The following NAALADL2 variants were observed in gnomAD, a reference collection of about 807,000 sequenced individuals.
The protein encoded by NAALADL2 is N-acetylated alpha-linked acidic dipeptidase like 2, also known as inactive N-acetylated-alpha-linked acidic dipeptidase-like protein 2.
Under a neutral mutation model 87.2 loss-of-function variants are expected in NAALADL2, and 76 were observed. That is an observed-to-expected ratio of 0.87 (90% CI 0.72 to 1.05). The LOEUF (loss-of-function observed/expected upper bound fraction) is 1.05, where lower values mean the gene tolerates loss of function less well. NAALADL2 is among the 50% of genes least tolerant of loss of function. The pLI is 0.00. For missense variants in NAALADL2, 1,089 were observed against 945.8 expected (o/e 1.15, Z -1.99); for synonymous variants, 354 against 331.0 (o/e 1.07, Z -0.75).
At chr3:174,914,219 C>T (rs1002473710) in intron 1 of NAALADL2, among the ~76,000 whole-genome samples, 3 of 151,874 alleles carry the variant, frequency 2.0e-5, no homozygotes, top group Non-Finnish European at 2.9e-5. Context: ...CCCACCACCA[C>T]ATCAGGCTAA....
At chr3:175,519,680 G>A (rs939140063) in intron 9 of NAALADL2, among the ~76,000 whole-genome samples, 1 of 152,016 alleles carries the variant, frequency 6.6e-6, no homozygotes, top group African/African-American at 2.4e-5. Context: ...AAATAAAATT[G>A]AATCCACTTA....
intron 1 of NAALADL2, among the ~76,000 whole-genome samples, chr3:175,019,074 G>T (rs569499687): frequency 1.2e-3 from 175 of 151,888 alleles, no homozygotes; most frequent in Non-Finnish European, 2.2e-3. Flanking sequence ...GATTCCTGTA[G>T]GCATAATATT....
At chr3:174,879,713 A>G (rs1020140225) in intron 1 of NAALADL2, among the ~76,000 whole-genome samples, 6 of 151,842 alleles carry the variant, frequency 4.0e-5, no homozygotes, top group African/African-American at 1.5e-4. Flanking sequence ...CTACAGTCCC[A>G]TTTTTCTTAC....
intron 3 of NAALADL2, among the ~76,000 whole-genome samples, chr3:174,817,895 A>G (rs1720976924): frequency 6.6e-6 from 1 of 152,198 alleles, no homozygotes; most frequent in African/African-American, 2.4e-5. Context: ...GTTCGTTTTC[A>G]GATTGTGATT....
At chr3:175,228,317 T>C (rs1046205796) in intron 2 of NAALADL2, among the ~76,000 whole-genome samples, 1 of 151,964 alleles carries the variant, frequency 6.6e-6, no homozygotes. Context: ...TTCCAGAGTT[T>C]TCCCCCTTGG....
At chr3:175,348,806 G>A (rs1332038060) in intron 5 of NAALADL2, among the ~76,000 whole-genome samples, 1 of 152,164 alleles carries the variant, frequency 6.6e-6, no homozygotes. Flanking sequence ...ACAGGTTACT[G>A]GAGGTAGGAC....
At chr3:174,849,706 G>T (rs1400067635) in intron 3 of NAALADL2, among the ~76,000 whole-genome samples, 1 of 131,894 alleles carries the variant, frequency 7.6e-6, no homozygotes, top group Admixed American at 9.0e-5. Context: ...TTGCACTCCA[G>T]CCTGGGTGAC....
At chr3:174,928,067 G>T (rs933444710) in intron 1 of NAALADL2, among the ~76,000 whole-genome samples, 1 of 152,024 alleles carries the variant, frequency 6.6e-6, no homozygotes, top group African/African-American at 2.4e-5. Flanking sequence ...GAATGTAAAT[G>T]CAAATAAAGA....
chr3:175,632,232 A>T (rs1391314770), intron 11 of NAALADL2, among the ~76,000 whole-genome samples: 1 of 151,096 alleles, frequency 6.6e-6, no homozygotes, highest in African/African-American at 2.4e-5. Context: ...TTCTCACAAT[A>T]TCTGATGGTT....
intron 6 of NAALADL2, among the ~76,000 whole-genome samples, chr3:175,452,187 A>G (rs1386807788): frequency 2.0e-5 from 3 of 152,072 alleles, no homozygotes; most frequent in Non-Finnish European, 4.4e-5. Flanking sequence ...ATGTGAGAAG[A>G]TCCAGTACAT....
intron 9 of NAALADL2, among the ~76,000 whole-genome samples, chr3:175,513,885 C>A (rs1731495186): frequency 6.6e-6 from 1 of 152,192 alleles, no homozygotes; most frequent in South Asian, 2.1e-4. Context: ...GGTGGTCAGG[C>A]AGACATCTGC....
At chr3:174,824,239 C>A (rs1721741536) in intron 3 of NAALADL2, among the ~76,000 whole-genome samples, 2 of 152,024 alleles carry the variant, frequency 1.3e-5, no homozygotes, top group Admixed American at 1.3e-4. Context: ...TAAAATTTAA[C>A]ATTTTAATTT....
chr3:175,532,569 G>A (rs780055960), intron 9 of NAALADL2, among the ~76,000 whole-genome samples: 1 of 152,198 alleles, frequency 6.6e-6, no homozygotes, highest in South Asian at 2.1e-4. Context: ...AAGTAGGAAT[G>A]CAGTAGGCTG....
chr3:175,481,777 T>G (rs1048536219), intron 9 of NAALADL2, among the ~76,000 whole-genome samples: 1 of 151,900 alleles, frequency 6.6e-6, no homozygotes, highest in African/African-American at 2.4e-5. Context: ...GAATAGTCTA[T>G]TGGCAGATAC....
At chr3:175,126,862 T>C (rs1727050119) in intron 2 of NAALADL2, among the ~76,000 whole-genome samples, 1 of 151,980 alleles carries the variant, frequency 6.6e-6, no homozygotes, top group African/African-American at 2.4e-5. Flanking sequence ...CTACCTTTTT[T>C]TTTTTTTTTT....
intron 4 of NAALADL2, among the ~76,000 whole-genome samples, chr3:175,304,617 G>A (rs1757476221): frequency 6.6e-6 from 1 of 152,098 alleles, no homozygotes; most frequent in South Asian, 2.1e-4. Context: ...AACTCGCAGG[G>A]TGTGCTCAGC....
At chr3:175,385,240 C>A (rs778695127) in intron 5 of NAALADL2, among the ~76,000 whole-genome samples, 6 of 151,948 alleles carry the variant, frequency 3.9e-5, no homozygotes, top group Non-Finnish European at 8.8e-5. Context: ...ATGATAAAAC[C>A]TATTTTCATG....
intron 9 of NAALADL2, among the ~76,000 whole-genome samples, chr3:175,564,915 T>G (rs1374100415): frequency 6.6e-6 from 1 of 152,214 alleles, no homozygotes; most frequent in East Asian, 1.9e-4. Flanking sequence ...AGAAGTAGGT[T>G]TAGCTGCTGG....
intron 3 of NAALADL2, among the ~76,000 whole-genome samples, chr3:174,812,214 T>A (rs1720294080): frequency 6.6e-6 from 1 of 152,080 alleles, no homozygotes; most frequent in Non-Finnish European, 1.5e-5. Context: ...ATTTCATGAG[T>A]CTATTTATAT....
Sources: allele counts gnomAD v4.1 joint callset (sites outside exome capture counted in the v4.1 genomes callset), GRCh38; gene constraint gnomAD v4.1.1; transcripts MANE v1.5; gene names NCBI Gene and HGNC (gene_info 2026-07-23, HGNC 2026-07-21).